Variants in TBC1D22A observed in about 807,000 individuals in gnomAD.
TBC1D22A encodes TBC1 domain family member 22A.
TBC1D22A carries 38 observed loss-of-function variants against 60.2 expected under a neutral mutation model. The ratio of observed to expected loss-of-function variants is 0.63; its 90% CI spans 0.49 to 0.83. The LOEUF is 0.83. TBC1D22A is among the 40% of genes least tolerant of loss of function. The pLI, the probability that TBC1D22A is intolerant of heterozygous loss-of-function variation, is 0.00. For synonymous variants in TBC1D22A, 302 were observed against 281.7 expected (o/e 1.07, Z -0.72); for missense variants, 628 against 701.0 (o/e 0.90, Z 1.18).
intron 8 of TBC1D22A, among the ~76,000 whole-genome samples, chr22:46,946,163 C>A (rs576047388): frequency 6.6e-6 from 1 of 152,192 alleles, no homozygotes; most frequent in Non-Finnish European, 1.5e-5. Flanking sequence ...TTTTCTCTTC[C>A]GGACGGGCCA....
chr22:46,971,470 A>G (rs1316555672), intron 8 of TBC1D22A, among the ~76,000 whole-genome samples: 2 of 152,354 alleles, frequency 1.3e-5, no homozygotes, highest in South Asian at 2.1e-4. Context: ...CTGCTGATTC[A>G]GTTCCCTGAG....
chr22:46,797,532 C>A lies in TBC1D22A; in HGVS notation c.549C>A (p.Ser183Arg). 1.2e-6 allele frequency: 2 copies of A among 1,614,100 alleles called. No homozygotes were observed. Among genetic ancestry groups the A allele is most frequent in the Non-Finnish European group, 1.7e-6 (2 of 1,180,044 alleles). Residue 183 changes from serine to arginine, a missense_variant, in exon 4 of 13, where the codon AGC (serine) becomes AGA (arginine). Coordinates refer to ENST00000337137, the MANE Select transcript of TBC1D22A (RefSeq NM_014346.5). ...TVTLGGTSDP[S>R]TLSSSALSER... ...CGCTGGGTGGCACATCTGACCCCAG[C>A]ACTCTCAGCAGCTCAGCGCTGAGCG...
chr22:47,169,708 G>A (rs1258570744), intron 12 of TBC1D22A, among the ~76,000 whole-genome samples: 1 of 152,216 alleles, frequency 6.6e-6, no homozygotes, highest in Non-Finnish European at 1.5e-5. Flanking sequence ...GTGCCCCAGG[G>A]ACCGGGGGAG....
chr22:46,768,506 A>C (rs923649483), intron 1 of TBC1D22A, among the ~76,000 whole-genome samples: 4 of 151,574 alleles, frequency 2.6e-5, no homozygotes, highest in Non-Finnish European at 5.9e-5. Context: ...AAAAAAAAAA[A>C]AAATAGAATC....
chr22:46,793,714 G>A lies in TBC1D22A; in HGVS notation c.333G>A (p.Arg111=). The A allele has an allele frequency of 1.2e-6, 2 of 1,611,130 alleles. No homozygotes were observed. The highest frequency in any genetic ancestry group is 1.7e-6 in the Non-Finnish European group (2 of 1,179,312). The change falls in exon 3 of 13, where the codon CGG becomes CGA. Residue 111 remains arginine (R), a synonymous_variant. Transcript: ENST00000337137. The part of the protein sequence containing the change: ...VLRNHSQRQG[R]PTLQEGPGLQ... ...GTAACCACAGCCAGCGGCAGGGGCG[G>A]CCCACGCTGCAGGAGGGGCCAGGGC...
chr22:47,124,561 C>T (rs771569137), intron 12 of TBC1D22A, among the ~76,000 whole-genome samples: 27 of 152,318 alleles, frequency 1.8e-4, no homozygotes, highest in Admixed American at 5.2e-4. Context: ...ACGTCATTTT[C>T]GGAGCTAACA....
chr22:46,982,999 A>G (rs1366315332), intron 9 of TBC1D22A, among the ~76,000 whole-genome samples: 1 of 152,226 alleles, frequency 6.6e-6, no homozygotes, highest in African/African-American at 2.4e-5. Flanking sequence ...GTGGCACCGC[A>G]GTAAGAAGCA....
intron 9 of TBC1D22A, among the ~76,000 whole-genome samples, chr22:46,984,489 C>T (rs1377131228): frequency 6.9e-6 from 1 of 144,114 alleles, no homozygotes; most frequent in East Asian, 2.3e-4. Context: ...ATTTCACTAA[C>T]AGCACTCATG....
At chr22:47,061,524 A>C (rs1320576461) in intron 11 of TBC1D22A, among the ~76,000 whole-genome samples, 2 of 152,112 alleles carry the variant, frequency 1.3e-5, no homozygotes, top group Non-Finnish European at 2.9e-5. Context: ...GCGCAGATCC[A>C]AGGGTGGCTT....
intron 7 of TBC1D22A, 39 bp downstream of exon 7, chr22:46,894,885 AGTGGCTGATGCCCACTGT>A: frequency 4.3e-6 from 7 of 1,609,622 alleles, no homozygotes; most frequent in Non-Finnish European, 6.0e-6. Flanking sequence ...CCTCGTTGGG[AGTGGCTGATGCCCACTGT>A]GCTAACCAGA....
intron 1 of TBC1D22A, among the ~76,000 whole-genome samples, chr22:46,765,129 A>T (rs2083239832): frequency 6.6e-6 from 1 of 152,130 alleles, no homozygotes; most frequent in Non-Finnish European, 1.5e-5. Flanking sequence ...AGTCTTGGAG[A>T]GTTCGAGGCT....
intron 11 of TBC1D22A, among the ~76,000 whole-genome samples, chr22:47,071,851 G>C (rs928806798): frequency 5.3e-5 from 8 of 152,196 alleles, no homozygotes; most frequent in African/African-American, 1.9e-4. Flanking sequence ...TGGAGAGACA[G>C]TTTCTGATTG....
intron 6 of TBC1D22A, among the ~76,000 whole-genome samples, chr22:46,894,496 C>T (rs866666703): frequency 1.1e-4 from 17 of 152,322 alleles, no homozygotes; most frequent in Middle Eastern, 3.4e-3. Flanking sequence ...GCTGATGTTA[C>T]TAAGCAGCCG....
rs764993895 is a variant in TBC1D22A, at chr22:46,891,317, C to G, written c.760C>G (p.Gln254Glu). Residue 254 changes from glutamine (Q) to glutamate (E), a missense_variant, in exon 6 of 13, where the codon CAA becomes GAA. Transcript: ENST00000337137. ...DRRPATLQRK[Q>E]KEYFAFIEHY... The stretch of plus-strand genomic sequence containing the variant: ...GAGACCAGCCACTCTCCAGAGAAAA[C>G]AAAAAGAATATTTTGCATTTATTGA... 5.6e-6 allele frequency: 9 copies of G among 1,613,250 alleles called. No homozygotes were observed. Among genetic ancestry groups the G allele is most frequent in the Non-Finnish European group, 7.6e-6 (9 of 1,179,780 alleles).
At chr22:46,991,277 T>C (rs769589490) in intron 9 of TBC1D22A, among the ~76,000 whole-genome samples, 2 of 152,154 alleles carry the variant, frequency 1.3e-5, no homozygotes, top group Non-Finnish European at 2.9e-5. Context: ...TCTGAGAACA[T>C]GCTGCCGAGC....
chr22:46,899,646 T>A (rs6009038), intron 7 of TBC1D22A, among the ~76,000 whole-genome samples: 17,261 of 152,204 alleles, frequency 0.11, 1,624 homozygotes, highest in African/African-American at 0.26. Context: ...CTCTATATGC[T>A]TGGCTTTGAC....
intron 7 of TBC1D22A, among the ~76,000 whole-genome samples, chr22:46,910,282 A>G (rs565764022): frequency 9.9e-5 from 15 of 152,022 alleles, no homozygotes; most frequent in Non-Finnish European, 2.2e-4. Flanking sequence ...TGGTCATGCC[A>G]CTCTGGGTAG....
intron 8 of TBC1D22A, among the ~76,000 whole-genome samples, chr22:46,961,830 G>A (rs955533573): frequency 6.6e-6 from 1 of 152,216 alleles, no homozygotes; most frequent in Non-Finnish European, 1.5e-5. Context: ...CGTCACCAGC[G>A]TCAGAGAGGC....
intron 12 of TBC1D22A, among the ~76,000 whole-genome samples, chr22:47,128,828 A>T (rs999072873): frequency 3.4e-4 from 52 of 152,310 alleles, no homozygotes; most frequent in African/African-American, 1.1e-3. Context: ...TCCGAGGCAG[A>T]TGGGCCCCAG....
Sources: allele counts gnomAD v4.1 joint callset (sites outside exome capture counted in the v4.1 genomes callset), GRCh38; gene constraint gnomAD v4.1.1; transcripts MANE v1.5; gene names NCBI Gene and HGNC (gene_info 2026-07-23, HGNC 2026-07-21).